Variants in PRKG2 observed in about 807,000 individuals in gnomAD.
PRKG2 encodes the protein protein kinase cGMP-dependent 2.
A neutral mutation model predicts 97.2 loss-of-function variants in PRKG2; 33 were observed. That is an observed-to-expected ratio of 0.34 (90% CI 0.26 to 0.45). The LOEUF (loss-of-function observed/expected upper bound fraction) is 0.45, where lower values mean the gene tolerates loss of function less well. Among genes scored for constraint, PRKG2 ranks in the 20% least tolerant of loss-of-function variants. PRKG2 has a pLI of 1.00. For missense variants in PRKG2, 638 were observed against 900.0 expected (o/e 0.71, Z 3.73); for synonymous variants, 330 against 321.8 (o/e 1.03, Z -0.27).
intron 15 of PRKG2, among the ~76,000 whole-genome samples, chr4:81,109,580 T>C (rs998487429): frequency 2.7e-5 from 4 of 146,296 alleles, no homozygotes; most frequent in Admixed American, 6.7e-5. Flanking sequence ...CTTGGACAGG[T>C]AGCTCTCTCA....
At chr4:81,214,764 C>A (rs1451992173) in intron 1 of PRKG2, among the ~76,000 whole-genome samples, 172 bp downstream of exon 1, 4 of 152,212 alleles carry the variant, frequency 2.6e-5, no homozygotes, top group Admixed American at 2.6e-4. Context: ...GCGAATGCAA[C>A]GCGTACACAC....
At chr4:81,169,567 A>T (rs1427833864) in intron 5 of PRKG2, 96 bp downstream of exon 5, 11 of 886,834 alleles carry the variant, frequency 1.2e-5, no homozygotes, top group Non-Finnish European at 1.9e-5. Flanking sequence ...GCTTAAATGG[A>T]AGTAGCTATA....
chr4:81,121,022 A>G (rs1745020010), intron 14 of PRKG2, among the ~76,000 whole-genome samples: 1 of 152,160 alleles, frequency 6.6e-6, no homozygotes, highest in African/African-American at 2.4e-5. Context: ...GACTTTGTCA[A>G]ATGGCTTTTC....
chr4:81,153,755 C>G (rs751875331), intron 6 of PRKG2, 34 bp from the exon 7 acceptor site: 1 of 1,516,218 alleles, frequency 6.6e-7, no homozygotes, highest in East Asian at 2.3e-5. Flanking sequence ...AATGTAAGAG[C>G]GGGTGGAGCC....
intron 1 of PRKG2, among the ~76,000 whole-genome samples, chr4:81,207,736 G>A (rs1468950175): frequency 6.6e-6 from 1 of 152,146 alleles, no homozygotes; most frequent in Non-Finnish European, 1.5e-5. Context: ...GGTAAAATGA[G>A]AGTAACTAAC....
intron 2 of PRKG2, among the ~76,000 whole-genome samples, chr4:81,192,606 A>G (rs1225924604): frequency 6.6e-6 from 1 of 152,196 alleles, no homozygotes; most frequent in African/African-American, 2.4e-5. Flanking sequence ...ATGAATAGGC[A>G]TAGTAATTAT....
chr4:81,142,141 T>G (rs1447166400), intron 11 of PRKG2, among the ~76,000 whole-genome samples: 1 of 152,240 alleles, frequency 6.6e-6, no homozygotes, highest in Non-Finnish European at 1.5e-5. Context: ...AGTACCACTT[T>G]TGCTACTCCT....
intron 17 of PRKG2, among the ~76,000 whole-genome samples, chr4:81,095,355 T>G (rs1029928030): frequency 1.3e-5 from 2 of 152,202 alleles, no homozygotes; most frequent in Non-Finnish European, 2.9e-5. Context: ...TTCTACCCAT[T>G]GCTTTTTTGC....
chr4:81,185,792 T>G (rs1007389819), intron 2 of PRKG2, among the ~76,000 whole-genome samples: 2 of 151,818 alleles, frequency 1.3e-5, no homozygotes, highest in Non-Finnish European at 2.9e-5. Context: ...ACCAAGCAAA[T>G]GGAAAGCAAC....
chr4:81,132,567 T>C (rs1383012316), intron 14 of PRKG2, among the ~76,000 whole-genome samples: 1 of 152,150 alleles, frequency 6.6e-6, no homozygotes, highest in Non-Finnish European at 1.5e-5. Context: ...TGAACAGCTG[T>C]ATTACAGCTG....
intron 14 of PRKG2, among the ~76,000 whole-genome samples, chr4:81,124,270 G>A (rs73832611): frequency 0.039 from 5,929 of 152,178 alleles, 402 homozygotes; most frequent in African/African-American, 0.14. Flanking sequence ...TGAGGTGTCA[G>A]CTGAAAGCTT....
chr4:81,169,917 A>T (rs1750316758), intron 4 of PRKG2, 149 bp from the exon 5 acceptor site: 4 of 535,124 alleles, frequency 7.5e-6, no homozygotes, highest in Admixed American at 4.1e-5. Flanking sequence ...AGGAGACAGA[A>T]AAATAAATAG....
chr4:81,137,287 G>C lies in PRKG2; in HGVS notation c.1634+106C>G, dbSNP rs1746806209. On this transcript the variant is annotated intron_variant, in intron 13 of 18. Transcript: ENST00000264399. Reference sequence around the variant, plus strand: ...CACTATTACTACTTTATTTTATCAAGGGATATTTTGTTATAATAATTTCCT... The same window carrying C: ...CACTATTACTACTTTATTTTATCAACGGATATTTTGTTATAATAATTTCCT... 3.6e-6 allele frequency: 3 copies of C among 843,632 alleles called. No homozygotes were observed. In the Admixed American group the frequency reaches 6.4e-5, roughly 18 times the overall value. 52.3% of individuals were successfully genotyped at this position (843,632 alleles called of 1,614,324 possible). A position where few individuals can be genotyped will look rare whatever the true frequency, so the allele number is the denominator to read the frequency against.
At chr4:81,117,993 C>A (rs1744718119) in intron 14 of PRKG2, among the ~76,000 whole-genome samples, 1 of 152,200 alleles carries the variant, frequency 6.6e-6, no homozygotes, top group Admixed American at 6.5e-5. Flanking sequence ...CCTGCCTATT[C>A]ATTTCTACTC....
intron 2 of PRKG2, among the ~76,000 whole-genome samples, chr4:81,200,074 A>G (rs1753207753): frequency 6.6e-6 from 1 of 152,206 alleles, no homozygotes; most frequent in Non-Finnish European, 1.5e-5. Context: ...ATTCAGCATG[A>G]GCTCCTATTT....
At chr4:81,099,020 T>G (rs1406647459) in intron 17 of PRKG2, among the ~76,000 whole-genome samples, 1 of 152,170 alleles carries the variant, frequency 6.6e-6, no homozygotes, top group Non-Finnish European at 1.5e-5. Flanking sequence ...TGCCTGAACC[T>G]GAAACAAATG....
chr4:81,207,837 AT>A (rs1485388959), intron 1 of PRKG2, among the ~76,000 whole-genome samples: 3 of 152,200 alleles, frequency 2.0e-5, no homozygotes, highest in African/African-American at 7.2e-5. Context: ...ATCCATTTAA[AT>A]ATTGCTGTCC....
At chr4:81,133,121 A>G (rs141829720) in intron 14 of PRKG2, among the ~76,000 whole-genome samples, 2 of 152,146 alleles carry the variant, frequency 1.3e-5, no homozygotes, top group East Asian at 1.9e-4. Flanking sequence ...ACATAGATTC[A>G]TTTCATTTAA....
intron 14 of PRKG2, 83 bp downstream of exon 14, chr4:81,135,067 AAAATT>A: frequency 7.5e-7 from 1 of 1,324,692 alleles, no homozygotes. Context: ...CAGCTGCACT[AAAATT>A]AAAAAGAAAA....
Sources: allele counts gnomAD v4.1 joint callset (sites outside exome capture counted in the v4.1 genomes callset), GRCh38; gene constraint gnomAD v4.1.1; transcripts MANE v1.5; gene names NCBI Gene and HGNC (gene_info 2026-07-23, HGNC 2026-07-21).